DNAH9: variants seen among roughly 807,000 people sequenced by gnomAD.
DNAH9 encodes dynein axonemal heavy chain 9, also known as DNAH9 variant protein.
A neutral mutation model predicts 471.6 loss-of-function variants in DNAH9; 345 were observed. The observed-to-expected ratio is 0.73, with a 90% CI of 0.67 to 0.80. DNAH9 has a LOEUF of 0.80. Among genes scored for constraint, DNAH9 ranks in the 30% least tolerant of loss-of-function variants. DNAH9 has a pLI of 0.00. For missense variants in DNAH9, 5,407 were observed against 5,609.2 expected, an observed-to-expected ratio of 0.96 and a Z score of 1.15; for synonymous variants, 2,093 against 2,123.6, an observed-to-expected ratio of 0.99 and a Z score of 0.40.
rs2074589652 is a variant in DNAH9 at position 11,701,258 on chromosome 17, A to T, written c.5151+11A>T. ...GACCACCCAGCTCAGGTATTCTCCTAATGGGATCCCCATCCTCCATGGTTG... is the reference window on the plus strand; with the variant it reads ...GACCACCCAGCTCAGGTATTCTCCTTATGGGATCCCCATCCTCCATGGTTG... On this transcript the variant is annotated intron_variant, in intron 24 of 68. Transcript: ENST00000262442. 1.2e-6 allele frequency: 2 copies of T among 1,612,424 alleles called. No individual in the cohort carries two copies. The highest frequency in any genetic ancestry group is 1.7e-6 in the Non-Finnish European group (2 of 1,179,654).
chr17:11,739,088 C>T (rs1437905777), intron 29 of DNAH9, 51 bp downstream of exon 29: 3 of 1,496,780 alleles, frequency 2.0e-6, no homozygotes, highest in Non-Finnish European at 2.7e-6. Flanking sequence ...AAGTTTCTTT[C>T]ATTTTTCCAC....
chr17:11,611,256 C>T (rs2072631374), intron 3 of DNAH9, among the ~76,000 whole-genome samples: 1 of 152,352 alleles, frequency 6.6e-6, no homozygotes, highest in Non-Finnish European at 1.5e-5. Flanking sequence ...CTGTACCACC[C>T]TGCTGAGATG....
At chr17:11,785,180 G>A (rs1335023208) in intron 41 of DNAH9, among the ~76,000 whole-genome samples, 1 of 151,958 alleles carries the variant, frequency 6.6e-6, no homozygotes, top group Non-Finnish European at 1.5e-5. Flanking sequence ...AGCAAACCCA[G>A]ACCCTTTCTT....
Position 11,606,443 on chromosome 17 carries a change from C to CTTTTTTTT in DNAH9, c.418-1682_418-1681insTTTTTTTT, listed in dbSNP as rs1404986645. 6.4e-3 allele frequency among the ~76,000 whole-genome samples: 439 copies of CTTTTTTTT among 69,118 alleles called. 46 individuals carry two copies. The highest frequency in any genetic ancestry group is 9.6e-3 in the South Asian group (13 of 1,354). The allele number at this position is 69,118 out of a possible 152,430, so 45.3% of individuals were successfully genotyped here. On this transcript the variant is annotated intron_variant, in intron 1 of 68. Transcript: ENST00000262442. Reference sequence around the variant, plus strand: ...CTGACAACTTTCTTTCTTTTCTTTTCTTTTCTTTTCTTTTTTTTTTTTTTG... The same window carrying CTTTTTTTT: ...CTGACAACTTTCTTTCTTTTCTTTTCTTTTTTTTTTTTCTTTTCTTTTTTTTTTTTTTG...
rs575577069 is a variant in DNAH9, at chr17:11,937,613, C to T, written c.12660+91C>T. The T allele has an allele frequency of 2.6e-5, 37 of 1,430,592 alleles. No individual in the cohort carries two copies. The South Asian group carries it at 4.0e-4, about 15-fold the overall frequency. 88.6% of individuals were successfully genotyped at this position (1,430,592 alleles called of 1,614,324 possible). ...TCTCCTGCTGGCCATTTTGGCAGTA[C>T]ACAGCATAGACAACACACAAAGCAC... On this transcript the variant is annotated intron_variant, in intron 66 of 68. Transcript: ENST00000262442. This position sits in a 1 kb window ranked among gnomAD's most constrained non-coding sequence, Gnocchi z 4.1.
At chr17:11,783,239 C>T (rs555790907) in intron 39 of DNAH9, among the ~76,000 whole-genome samples, 1 of 152,264 alleles carries the variant, frequency 6.6e-6, no homozygotes, top group Admixed American at 6.5e-5. Context: ...ATTACTGGCC[C>T]AACCAGAGAT....
At chr17:11,877,620 T>C (rs1273307041) in intron 53 of DNAH9, among the ~76,000 whole-genome samples, 2 of 151,884 alleles carry the variant, frequency 1.3e-5, no homozygotes, top group African/African-American at 4.8e-5. Flanking sequence ...GTCCCAAGCA[T>C]GCACGCACTA....
intron 27 of DNAH9, chr17:11,723,379 C>T (rs2075095613): frequency 6.6e-6 from 1 of 152,286 alleles, no homozygotes; most frequent in African/African-American, 2.4e-5. Flanking sequence ...ACTTCCAGGC[C>T]TTTGCCCTAT....
Position 11,680,710 on chromosome 17 carries a change from G to C in DNAH9, c.3577-13G>C. On this transcript the variant is annotated splice_polypyrimidine_tract_variant and intron_variant, in intron 18 of 68. Transcript: ENST00000262442. ...ACCTTGGGAATCTGACCACACTGAG[G>C]TTTCCTTTGCAGGAGCTGCCTGAGA... 6.2e-7 allele frequency: 1 copy of C among 1,613,606 alleles called. No homozygotes were observed. Among genetic ancestry groups the C allele is most frequent in the Non-Finnish European group, 8.5e-7 (1 of 1,179,698 alleles).
At chr17:11,890,496 A>G (rs942726195) in intron 57 of DNAH9, among the ~76,000 whole-genome samples, 1 of 89,278 alleles carries the variant, frequency 1.1e-5, no homozygotes, top group African/African-American at 2.7e-5. Context: ...TTGAGACTCA[A>G]ATCTTATCTG....
At chr17:11,719,149 G>A (rs1175970629) in intron 26 of DNAH9, among the ~76,000 whole-genome samples, 185 bp from the exon 27 acceptor site, 1 of 152,080 alleles carries the variant, frequency 6.6e-6, no homozygotes, top group Admixed American at 6.5e-5. Flanking sequence ...CCTGCATGGA[G>A]GGAGCACTGT....
At chr17:11,812,324 A>T (rs911174385) in intron 45 of DNAH9, among the ~76,000 whole-genome samples, 9 of 150,982 alleles carry the variant, frequency 6.0e-5, no homozygotes, top group African/African-American at 2.2e-4. Context: ...CTGATTAAAT[A>T]ATGTTTAGTT....
chr17:11,839,781 C>T (rs972789113), intron 49 of DNAH9, among the ~76,000 whole-genome samples: 3 of 152,136 alleles, frequency 2.0e-5, no homozygotes, highest in Admixed American at 6.6e-5. Flanking sequence ...TTTTGATATG[C>T]ATATACATAG....
rs746336943 is a variant in DNAH9 at position 11,610,405 on chromosome 17, T to C, written c.624T>C (p.Ser208=). Residue 208 remains serine (S), a synonymous_variant, in exon 3 of 69, where the codon TCT becomes TCC. Coordinates refer to ENST00000262442, the MANE Select transcript of DNAH9 (RefSeq NM_001372.4). ...ADSKSETVLD[S]IDKSVIYAIE... is the part of the protein sequence containing the mutation. ...GTTTTGTCTTTCACAGCTTGGATTC[T>C]ATAGATAAGTCAGTCATCTATGCCA... 37 of 1,612,698 alleles carry C rather than the reference T, an allele frequency of 2.3e-5. No homozygotes were observed. Among genetic ancestry groups the C allele is most frequent in the Non-Finnish European group, 3.1e-5 (37 of 1,179,352 alleles).
At position 11,842,210 on chromosome 17, in the gene DNAH9, T is replaced by C. The variant is rs1337131272; in HGVS notation, c.9507+7312T>C. Among the ~76,000 whole-genome samples, 4 of 152,298 alleles carry C rather than the reference T, an allele frequency of 2.6e-5. No individual in the cohort carries two copies. The South Asian group carries it at 8.3e-4, about 32-fold the overall frequency. The stretch of plus-strand genomic sequence containing the variant: ...TAGCACAAGAAAATAAAACCTCAGA[T>C]TGATCTAACTTATTAATAGTGGTGT... On this transcript the variant is annotated intron_variant, in intron 49 of 68. Transcript: ENST00000262442.
In DNAH9 at chr17:11,834,739, CAA is replaced by C; in HGVS notation, c.9350_9351del (p.Lys3117SerfsTer10). ...LIQVVGVETD[K>X]VSREKAMADE... ...TTCAGGTCGTGGGTGTGGAGACTGA[CAA>C]AGTGAGCAGAGAGAAAGCCATGGCA... On this transcript the variant is annotated frameshift_variant, in exon 49 of 69. Coordinates refer to ENST00000262442, the MANE Select transcript of DNAH9 (RefSeq NM_001372.4). LOFTEE classifies it high-confidence loss of function. 6.2e-7 allele frequency: 1 copy of C among 1,613,990 alleles called. No individual in the cohort carries two copies. Among genetic ancestry groups the C allele is most frequent in the East Asian group, 2.2e-5 (1 of 44,880 alleles).
At chr17:11,761,474 T>C (rs935001843) in intron 35 of DNAH9, among the ~76,000 whole-genome samples, 4 of 152,204 alleles carry the variant, frequency 2.6e-5, no homozygotes, top group African/African-American at 9.7e-5. Flanking sequence ...CATCTGTTAT[T>C]CTGGAAGAAA....
intron 61 of DNAH9, among the ~76,000 whole-genome samples, chr17:11,921,126 C>G (rs548216059): frequency 1.3e-5 from 2 of 150,904 alleles, no homozygotes; most frequent in Non-Finnish European, 3.0e-5. Flanking sequence ...GGGTGTAATC[C>G]CAGCTACTCG....
intron 49 of DNAH9, among the ~76,000 whole-genome samples, chr17:11,840,521 TG>T (rs1348620412): frequency 6.6e-6 from 1 of 152,228 alleles, no homozygotes; most frequent in Non-Finnish European, 1.5e-5. Flanking sequence ...GAAGTATAAT[TG>T]CTTGACAGAA....
Sources: gnomAD v4.1 joint callset for allele counts (sites outside exome capture counted in the v4.1 genomes callset) on GRCh38, gnomAD v4.1.1 for gene constraint, Gnocchi (gnomAD v3.1) non-coding constraint, MANE v1.5 for transcripts, NCBI Gene and HGNC (gene_info 2026-07-23, HGNC 2026-07-21) for gene names.